PARD3B: variants seen among roughly 807,000 people sequenced by gnomAD.
The protein encoded by PARD3B is partitioning defective 3 homolog B.
In PARD3B, 103 loss-of-function variants were observed where a neutral mutation model predicts 130.2. The ratio of observed to expected loss-of-function variants is 0.79; its 90% CI spans 0.67 to 0.93. PARD3B has a LOEUF of 0.93. PARD3B is among the 40% of genes least tolerant of loss of function. The pLI is 0.00. For synonymous variants in PARD3B, 583 were observed against 553.2 expected (o/e 1.05, Z -0.76); for missense variants, 1,609 against 1,499.2 (o/e 1.07, Z -1.21).
intron 2 of PARD3B, among the ~76,000 whole-genome samples, chr2:204,835,353 A>G (rs1190944638): frequency 6.6e-6 from 1 of 152,160 alleles, no homozygotes; most frequent in East Asian, 1.9e-4. Context: ...TCACTGAAGC[A>G]TTTTTGGGGA....
At chr2:205,316,579 G>A (rs558739958) in intron 18 of PARD3B, among the ~76,000 whole-genome samples, 90 of 152,230 alleles carry the variant, frequency 5.9e-4, no homozygotes, top group African/African-American at 1.9e-3. Flanking sequence ...CTTAAACTCC[G>A]TATCTAATTA....
chr2:205,492,260 A>G (rs1245352717), intron 20 of PARD3B, among the ~76,000 whole-genome samples: 2 of 152,222 alleles, frequency 1.3e-5, no homozygotes, highest in Non-Finnish European at 2.9e-5. Context: ...CCTTAGAAAT[A>G]AAAGCAGATT....
chr2:205,562,148 T>C lies in PARD3B; in HGVS notation c.3260+8745T>C, dbSNP rs1382363427. On this transcript the variant is annotated intron_variant, in intron 22 of 22. Transcript: ENST00000406610. This position sits in a 1 kb window ranked among gnomAD's most constrained non-coding sequence, Gnocchi z 5.4. ...GCTGAGATCAGGGGGTTAATGCTAC[T>C]GCCACCTCATTTTTATGTCACTTAG... 6.6e-6 allele frequency among the ~76,000 whole-genome samples: 1 copy of C among 152,246 alleles called. No homozygotes were observed. The highest frequency in any genetic ancestry group is 2.4e-5 in the African/African-American group (1 of 41,464).
chr2:205,482,262 A>C (rs1450809793), intron 20 of PARD3B, among the ~76,000 whole-genome samples: 3 of 152,172 alleles, frequency 2.0e-5, no homozygotes, highest in Non-Finnish European at 4.4e-5. Context: ...AGACAATTAG[A>C]TTGGAGCAGT....
At chr2:205,245,499 G>T (rs2039534016) in intron 15 of PARD3B, among the ~76,000 whole-genome samples, 1 of 152,224 alleles carries the variant, frequency 6.6e-6, no homozygotes, top group South Asian at 2.1e-4. Context: ...AAATGTGGAA[G>T]AAACAACCCA....
rs557317003 is a variant in PARD3B, at chr2:205,078,731, A to T, written c.505-25695A>T. Among the ~76,000 whole-genome samples the T allele has an allele frequency of 1.6e-4, 25 of 152,302 alleles. No individual in the cohort carries two copies. Among genetic ancestry groups the T allele is most frequent in the African/African-American group, 5.1e-4 (21 of 41,570 alleles). On this transcript the variant is annotated intron_variant, in intron 4 of 22. Coordinates refer to ENST00000406610, the MANE Select transcript of PARD3B (RefSeq NM_001302769.2). This position sits in a 1 kb window ranked among gnomAD's most constrained non-coding sequence, Gnocchi z 4.0. ...CATAGCGTGCAGCAGACATTGTGTG[A>T]CTTCTGAGACTAGTTCAGAAAAGGC...
chr2:205,133,268 A>G (rs1211279400), intron 10 of PARD3B, among the ~76,000 whole-genome samples: 1 of 152,140 alleles, frequency 6.6e-6, no homozygotes, highest in Admixed American at 6.6e-5. Context: ...ATAATTTGAA[A>G]TGTTAGCGGT....
chr2:204,728,566 T>G (rs1318557215), intron 2 of PARD3B, among the ~76,000 whole-genome samples: 2 of 152,178 alleles, frequency 1.3e-5, no homozygotes, highest in Admixed American at 6.5e-5. Flanking sequence ...CATTACATGA[T>G]ACCTATTTGT....
chr2:205,400,153 A>G (rs1201557557), intron 18 of PARD3B, among the ~76,000 whole-genome samples: 1 of 152,176 alleles, frequency 6.6e-6, no homozygotes, highest in Non-Finnish European at 1.5e-5. Flanking sequence ...TTTTATTTAT[A>G]TATTAATGAT....
At chr2:205,066,383 A>G (rs776223339) in intron 4 of PARD3B, among the ~76,000 whole-genome samples, 1 of 152,190 alleles carries the variant, frequency 6.6e-6, no homozygotes, top group Non-Finnish European at 1.5e-5. Context: ...CTCTCATGGA[A>G]GGCTGTACTG....
chr2:204,862,321 G>A (rs920912070), intron 2 of PARD3B, among the ~76,000 whole-genome samples: 26 of 152,084 alleles, frequency 1.7e-4, no homozygotes, highest in Non-Finnish European at 2.9e-4. Flanking sequence ...CTGGACCTTC[G>A]TTATCTCACC....
At chr2:205,228,869 A>G (rs1172409336) in intron 15 of PARD3B, among the ~76,000 whole-genome samples, 1 of 152,076 alleles carries the variant, frequency 6.6e-6, no homozygotes, top group African/African-American at 2.4e-5. Context: ...CTTTTGCTTG[A>G]TCAGTTCTGC....
intron 4 of PARD3B, among the ~76,000 whole-genome samples, chr2:205,099,400 C>G (rs1381105213): frequency 6.6e-6 from 1 of 152,120 alleles, no homozygotes; most frequent in African/African-American, 2.4e-5. Flanking sequence ...GGTTATTTTT[C>G]TACCTTTCCT....
chr2:204,963,152 T>C (rs1255842563), intron 2 of PARD3B, among the ~76,000 whole-genome samples: 1 of 152,220 alleles, frequency 6.6e-6, no homozygotes, highest in Non-Finnish European at 1.5e-5. Flanking sequence ...CACTACCAGC[T>C]ACCATTTAGT....
chr2:204,582,131 A>G (rs2032588259), intron 1 of PARD3B, among the ~76,000 whole-genome samples: 1 of 152,178 alleles, frequency 6.6e-6, no homozygotes, highest in South Asian at 2.1e-4. Flanking sequence ...CCAAGGTATG[A>G]GGCACCTCTG....
chr2:205,064,789 A>G (rs1327762215), intron 4 of PARD3B, among the ~76,000 whole-genome samples: 1 of 152,204 alleles, frequency 6.6e-6, no homozygotes, highest in Admixed American at 6.5e-5. Flanking sequence ...ACATTTGATA[A>G]GCATAAAAAA....
chr2:205,565,550 C>T (rs759742308), intron 22 of PARD3B, among the ~76,000 whole-genome samples: 87 of 152,114 alleles, frequency 5.7e-4, no homozygotes, highest in Admixed American at 1.2e-3. Flanking sequence ...TTCTGTGGGT[C>T]GGTTATAGAC....
chr2:205,033,870 C>T (rs1697601644), intron 3 of PARD3B, among the ~76,000 whole-genome samples: 1 of 152,124 alleles, frequency 6.6e-6, no homozygotes, highest in Non-Finnish European at 1.5e-5. Context: ...GTAGATTCCT[C>T]TATAAGCCAC....
chr2:204,614,388 T>G (rs1280676189), intron 1 of PARD3B, among the ~76,000 whole-genome samples: 1 of 152,152 alleles, frequency 6.6e-6, no homozygotes, highest in Non-Finnish European at 1.5e-5. Flanking sequence ...TAATCATATT[T>G]CAAGGGTTCA....
Sources: allele counts gnomAD v4.1 joint callset (sites outside exome capture counted in the v4.1 genomes callset), GRCh38; gene constraint gnomAD v4.1.1; non-coding constraint Gnocchi (gnomAD v3.1); transcripts MANE v1.5; gene names NCBI Gene and HGNC (gene_info 2026-07-23, HGNC 2026-07-21).